Variants in RAMP1 observed in about 807,000 individuals in gnomAD.
RAMP1 encodes receptor activity modifying protein 1, also known as receptor activity-modifying protein 1.
A neutral mutation model predicts 8.2 loss-of-function variants in RAMP1; 7 were observed. The ratio of observed to expected loss-of-function variants is 0.85; its 90% CI spans 0.49 to 1.60. The LOEUF is 1.60. RAMP1 is among the 40% of genes most tolerant of loss of function. RAMP1 has a pLI of 0.00. For synonymous variants in RAMP1, 92 were observed against 84.7 expected (o/e 1.09, Z -0.47); for missense variants, 192 against 202.4 (o/e 0.95, Z 0.31).
At chr2:237,871,741 G>T (rs74525493) in intron 1 of RAMP1, among the ~76,000 whole-genome samples, 10 of 152,282 alleles carry the variant, frequency 6.6e-5, no homozygotes, top group Non-Finnish European at 1.5e-4. Context: ...GTGCCACTGC[G>T]CTATGTGTTC....
chr2:237,899,317 C>T (rs1019365326), intron 2 of RAMP1, among the ~76,000 whole-genome samples: 1 of 152,184 alleles, frequency 6.6e-6, no homozygotes, highest in Non-Finnish European at 1.5e-5. Context: ...GTGACCCGCC[C>T]GCCTCGGCCT....
intron 1 of RAMP1, among the ~76,000 whole-genome samples, chr2:237,867,653 A>C (rs1480487429): frequency 1.3e-5 from 2 of 152,070 alleles, no homozygotes; most frequent in Admixed American, 6.5e-5. Flanking sequence ...GACACAGGAG[A>C]AGTGGTCAGA....
At chr2:237,904,642 G>A (rs76883039) in intron 2 of RAMP1, among the ~76,000 whole-genome samples, 5,685 of 152,244 alleles carry the variant, frequency 0.037, 162 homozygotes, top group Non-Finnish European at 0.061. Context: ...CGAATATAAA[G>A]CCAAAAGTGC....
At chr2:237,888,745 T>C (rs1375590085) in intron 2 of RAMP1, among the ~76,000 whole-genome samples, 1 of 152,154 alleles carries the variant, frequency 6.6e-6, no homozygotes, top group Non-Finnish European at 1.5e-5. Context: ...ATTGGAGGTA[T>C]TTTTAATCTT....
At chr2:237,869,296 A>C (rs1434398163) in intron 1 of RAMP1, among the ~76,000 whole-genome samples, 3 of 152,188 alleles carry the variant, frequency 2.0e-5, no homozygotes, top group Non-Finnish European at 4.4e-5. Context: ...ACACCACATA[A>C]AATGTACCAT....
intron 1 of RAMP1, among the ~76,000 whole-genome samples, chr2:237,871,911 A>G (rs1263149758): frequency 6.6e-6 from 1 of 152,218 alleles, no homozygotes; most frequent in Non-Finnish European, 1.5e-5. Flanking sequence ...TGTACACCTT[A>G]GTGAATTTAC....
At chr2:237,904,823 G>A (rs2062637558) in intron 2 of RAMP1, among the ~76,000 whole-genome samples, 1 of 152,130 alleles carries the variant, frequency 6.6e-6, no homozygotes, top group Non-Finnish European at 1.5e-5. Context: ...AGGTCTCCAG[G>A]ATCACTCTGG....
In RAMP1 at chr2:237,912,059, G is replaced by A; in HGVS notation, c.*276G>A. The A allele has an allele frequency of 2.0e-6, 1 of 491,506 alleles. No individual in the cohort carries two copies. The highest frequency in any genetic ancestry group is 3.6e-6 in the Non-Finnish European group (1 of 275,940). The allele number at this position is 491,506 out of a possible 1,614,324, so 30.4% of individuals were successfully genotyped here. A position where few individuals can be genotyped will look rare whatever the true frequency, so the allele number is the denominator to read the frequency against. Reference sequence around the variant, plus strand: ...CCCAGCCTAGACTGCTTACCCCATAGCCACATTTGTGGATGAGTGGTTTGT... The same window carrying A: ...CCCAGCCTAGACTGCTTACCCCATAACCACATTTGTGGATGAGTGGTTTGT... On this transcript the variant is annotated 3_prime_UTR_variant, in exon 3 of 3. Coordinates refer to ENST00000254661, the MANE Select transcript of RAMP1 (RefSeq NM_005855.4).
chr2:237,909,071 CCCCCAT>C (rs1231256232), intron 2 of RAMP1, among the ~76,000 whole-genome samples: 2 of 152,190 alleles, frequency 1.3e-5, no homozygotes, highest in African/African-American at 4.8e-5. Flanking sequence ...ACTCAGGCTG[CCCCCAT>C]GGGGCAAGGG....
intron 1 of RAMP1, among the ~76,000 whole-genome samples, chr2:237,871,379 G>C (rs751475917): frequency 6.6e-6 from 1 of 152,198 alleles, no homozygotes; most frequent in Non-Finnish European, 1.5e-5. Context: ...AGCCACACAG[G>C]AAACGCCAGG....
chr2:237,898,682 C>G lies in RAMP1; in HGVS notation c.192-12846C>G, dbSNP rs80216417. On this transcript the variant is annotated intron_variant, in intron 2 of 2. Coordinates refer to ENST00000254661, the MANE Select transcript of RAMP1 (RefSeq NM_005855.4). ...CCAGCAGTGCTGGGCAGAAGTGAGA[C>G]AGGAAGCCAGGCTCCCGAGCTCACA... 3.9e-3 allele frequency among the ~76,000 whole-genome samples: 591 copies of G among 152,360 alleles called. 7 individuals are homozygous for G. Among genetic ancestry groups the G allele is most frequent in the Admixed American group, 0.033 (506 of 15,300 alleles).
chr2:237,863,750 C>A (rs1229792135), intron 1 of RAMP1, among the ~76,000 whole-genome samples: 2 of 151,624 alleles, frequency 1.3e-5, no homozygotes, highest in African/African-American at 2.4e-5. Context: ...AGTCACAGGC[C>A]CCCCGACTCT....
At chr2:237,910,638 AAC>A (rs1320046748) in intron 2 of RAMP1, among the ~76,000 whole-genome samples, 2 of 150,768 alleles carry the variant, frequency 1.3e-5, no homozygotes, top group Non-Finnish European at 3.0e-5. Flanking sequence ...CACACAGAAT[AAC>A]ACAGCTATAC....
chr2:237,896,765 C>T (rs1464238327), intron 2 of RAMP1, among the ~76,000 whole-genome samples: 3 of 152,212 alleles, frequency 2.0e-5, no homozygotes, highest in Admixed American at 6.5e-5. Context: ...CTTGACTCAG[C>T]CTCCCAAGTA....
chr2:237,903,425 A>G (rs1262948171), intron 2 of RAMP1, among the ~76,000 whole-genome samples: 1 of 152,232 alleles, frequency 6.6e-6, no homozygotes, highest in Non-Finnish European at 1.5e-5. Flanking sequence ...ACATATTGCC[A>G]AATTGTGTTT....
In RAMP1 at chr2:237,862,177, T is replaced by A. The variant is rs2062139798; in HGVS notation, c.52+2450T>A. The stretch of plus-strand genomic sequence containing the variant: ...ATTGAAATGTATGACTTTATATAAA[T>A]ACAAGTAGAATTGGAATGACAGGGA... On this transcript the variant is annotated intron_variant, in intron 1 of 2. Coordinates refer to ENST00000254661, the MANE Select transcript of RAMP1 (RefSeq NM_005855.4). This position sits in a 1 kb window ranked among gnomAD's most constrained non-coding sequence, Gnocchi z 4.0. Among the ~76,000 whole-genome samples the A allele has an allele frequency of 6.6e-6, 1 of 152,118 alleles. No homozygotes were observed. The highest frequency in any genetic ancestry group is 1.5e-5 in the Non-Finnish European group (1 of 68,006).
rs912655003 is a variant in RAMP1 at position 237,878,133 on chromosome 2, T to C, written c.191+771T>C. The C allele has an allele frequency of 1.0e-6, 1 of 985,324 alleles. No individual in the cohort carries two copies. Among genetic ancestry groups the C allele is most frequent in the African/African-American group, 1.7e-5 (1 of 57,244 alleles). 61.0% of individuals were successfully genotyped at this position (985,324 alleles called of 1,614,324 possible). A position where few individuals can be genotyped will look rare whatever the true frequency, so the allele number is the denominator to read the frequency against. On this transcript the variant is annotated intron_variant, in intron 2 of 2. Transcript: ENST00000254661. This position sits in a 1 kb window ranked among gnomAD's most constrained non-coding sequence, Gnocchi z 5.7. Reference sequence around the variant, plus strand: ...GGTGAGTAGCGGGGTCAGCAGTGCATGCGTGGAGCTGAAGGCCACCGCCTC... The same window carrying C: ...GGTGAGTAGCGGGGTCAGCAGTGCACGCGTGGAGCTGAAGGCCACCGCCTC...
chr2:237,863,437 G>A (rs2062150645), intron 1 of RAMP1, among the ~76,000 whole-genome samples: 1 of 152,228 alleles, frequency 6.6e-6, no homozygotes. Context: ...CAGAACAGGA[G>A]GACTCTCAGC....
chr2:237,896,477 C>T (rs529866298), intron 2 of RAMP1, among the ~76,000 whole-genome samples: 5 of 152,330 alleles, frequency 3.3e-5, no homozygotes, highest in Admixed American at 3.3e-4. Context: ...GGCCAAGCAG[C>T]CCCCAGGCAG....
Sources: gnomAD v4.1 joint callset for allele counts (sites outside exome capture counted in the v4.1 genomes callset) on GRCh38, gnomAD v4.1.1 for gene constraint, Gnocchi (gnomAD v3.1) non-coding constraint, MANE v1.5 for transcripts, NCBI Gene and HGNC (gene_info 2026-07-23, HGNC 2026-07-21) for gene names.